AFAP1L2: variants seen among roughly 807,000 people sequenced by gnomAD.
AFAP1L2 encodes actin filament-associated protein 1-like 2.
In AFAP1L2, 46 loss-of-function variants were observed where a neutral mutation model predicts 99.3. The ratio of observed to expected loss-of-function variants is 0.46; its 90% CI spans 0.37 to 0.59. The LOEUF is 0.59. Among genes scored for constraint, AFAP1L2 ranks in the 20% least tolerant of loss-of-function variants. AFAP1L2 has a pLI of 0.00. For synonymous variants in AFAP1L2, 397 were observed against 419.1 expected, an observed-to-expected ratio of 0.95 and a Z score of 0.64; for missense variants, 959 against 1,034.9, an observed-to-expected ratio of 0.93 and a Z score of 1.01.
chr10:114,304,980 C>CAGG (rs752620060), intron 10 of AFAP1L2, 50 bp from the exon 11 acceptor site: 5 of 1,227,638 alleles, frequency 4.1e-6, no homozygotes, highest in Admixed American at 4.1e-5. Flanking sequence ...CAGGAGGGGA[C>CAGG]GCAGATGCAG....
intron 6 of AFAP1L2, among the ~76,000 whole-genome samples, chr10:114,314,838 G>A (rs1275913185): frequency 6.6e-6 from 1 of 152,114 alleles, no homozygotes; most frequent in African/African-American, 2.4e-5. Context: ...TTCTCATGCT[G>A]CACAGATAAA....
intron 1 of AFAP1L2, among the ~76,000 whole-genome samples, chr10:114,369,371 G>A (rs962408321): frequency 5.3e-5 from 8 of 152,100 alleles, no homozygotes; most frequent in Non-Finnish European, 8.8e-5. Context: ...CGAGGCGGGC[G>A]GATCACGAGG....
chr10:114,366,840 C>T (rs939508377), intron 1 of AFAP1L2, among the ~76,000 whole-genome samples: 7 of 152,118 alleles, frequency 4.6e-5, no homozygotes, highest in East Asian at 1.9e-4. Context: ...TGGTGTCGCG[C>T]GCCTTTAGTC....
chr10:114,320,930 C>A (rs1200603128), intron 5 of AFAP1L2, among the ~76,000 whole-genome samples: 1 of 152,184 alleles, frequency 6.6e-6, no homozygotes, highest in Admixed American at 6.5e-5. Context: ...TGAGCTGGCA[C>A]CACCTCGCAT....
At chr10:114,403,296 G>C (rs2058394388) in intron 1 of AFAP1L2, among the ~76,000 whole-genome samples, 1 of 152,128 alleles carries the variant, frequency 6.6e-6, no homozygotes, top group African/African-American at 2.4e-5. Context: ...CAGTAACCAG[G>C]CTACCCAGAT....
In AFAP1L2 at chr10:114,336,219, C is replaced by A. The variant is rs146402906; in HGVS notation, c.146-2924G>T. ...CTCCAGGTTGGTAAGTAAGAAGTTCCCAAGACCTTCTGCAATTGTGGGAAA... is the reference window on the plus strand; with the variant it reads ...CTCCAGGTTGGTAAGTAAGAAGTTCACAAGACCTTCTGCAATTGTGGGAAA... On this transcript the variant is annotated intron_variant, in intron 2 of 18. Coordinates refer to ENST00000304129, the MANE Select transcript of AFAP1L2 (RefSeq NM_001001936.3). 6.2e-4 allele frequency among the ~76,000 whole-genome samples: 94 copies of A among 152,322 alleles called. 1 individual carries two copies. Among genetic ancestry groups the A allele is most frequent in the African/African-American group, 2.2e-3 (90 of 41,578 alleles).
chr10:114,296,113 ATAGT>A (rs767908052), intron 18 of AFAP1L2, 45 bp from the exon 19 acceptor site: 176 of 1,613,352 alleles, frequency 1.1e-4, no homozygotes, highest in Admixed American at 1.8e-4. Context: ...CACCAAAAAG[ATAGT>A]TAGTTATCCA....
chr10:114,380,260 C>CTGT (rs1037431926), intron 1 of AFAP1L2, among the ~76,000 whole-genome samples: 3 of 152,218 alleles, frequency 2.0e-5, no homozygotes, highest in African/African-American at 7.2e-5. Flanking sequence ...CTTCCCTGGA[C>CTGT]TGTTCCTCTC....
intron 11 of AFAP1L2, among the ~76,000 whole-genome samples, chr10:114,303,469 A>T (rs2041588315): frequency 6.6e-6 from 1 of 151,966 alleles, no homozygotes; most frequent in Non-Finnish European, 1.5e-5. Context: ...CACCACACCC[A>T]GCTAATTTTT....
At chr10:114,346,571 A>G (rs7068930) in intron 1 of AFAP1L2, among the ~76,000 whole-genome samples, 7,236 of 152,282 alleles carry the variant, frequency 0.048, 185 homozygotes, top group South Asian at 0.071. Flanking sequence ...CATCCCTTAG[A>G]GGAATGTGGC....
At chr10:114,299,547 G>A (rs1300933623) in intron 15 of AFAP1L2, 132 bp from the exon 16 acceptor site, 2 of 1,049,084 alleles carry the variant, frequency 1.9e-6, no homozygotes, top group Non-Finnish European at 2.7e-6. Flanking sequence ...GCCAGACCTG[G>A]ACAGGTCCCT....
chr10:114,360,554 T>C (rs145435004), intron 1 of AFAP1L2, among the ~76,000 whole-genome samples: 7,010 of 144,402 alleles, frequency 0.049, 373 homozygotes, highest in African/African-American at 0.15. Flanking sequence ...GATAGATAGA[T>C]AGATAGATAG....
chr10:114,380,979 C>T (rs927329149), intron 1 of AFAP1L2, among the ~76,000 whole-genome samples: 2 of 152,194 alleles, frequency 1.3e-5, no homozygotes, highest in Non-Finnish European at 2.9e-5. Context: ...CCAACAATTT[C>T]GCTCTTAGGT....
chr10:114,391,034 G>C (rs1226042628), intron 1 of AFAP1L2, among the ~76,000 whole-genome samples: 1 of 151,990 alleles, frequency 6.6e-6, no homozygotes, highest in Non-Finnish European at 1.5e-5. Flanking sequence ...AATGTGCCTT[G>C]TATATCCTAA....
intron 7 of AFAP1L2, among the ~76,000 whole-genome samples, chr10:114,310,884 C>T (rs1198640424): frequency 3.9e-5 from 6 of 152,232 alleles, no homozygotes; most frequent in Non-Finnish European, 8.8e-5. Flanking sequence ...AGTCTCCACG[C>T]TGCCTGAGGA....
intron 12 of AFAP1L2, 56 bp from the exon 13 acceptor site, chr10:114,301,521 A>T: frequency 5.3e-6 from 7 of 1,319,324 alleles, no homozygotes; most frequent in Non-Finnish European, 7.7e-6. Context: ...TGGTGAAAGC[A>T]CCAGACTCCA....
chr10:114,364,712 AG>A (rs1047823213), intron 1 of AFAP1L2, among the ~76,000 whole-genome samples: 157 of 152,292 alleles, frequency 1.0e-3, no homozygotes, highest in African/African-American at 3.5e-3. Context: ...AACCCACAAC[AG>A]GACACAGGGA....
intron 1 of AFAP1L2, among the ~76,000 whole-genome samples, chr10:114,370,314 A>G (rs2053920394): frequency 1.3e-5 from 2 of 152,240 alleles, no homozygotes; most frequent in South Asian, 4.1e-4. Flanking sequence ...AGCAGCTACT[A>G]CAAGCCTTCA....
At chr10:114,305,651 A>ATGCAGGAGGGGATGCAGG in intron 10 of AFAP1L2, among the ~76,000 whole-genome samples, 1 of 52,754 alleles carries the variant, frequency 1.9e-5, no homozygotes, top group Admixed American at 2.0e-4. Context: ...GGAGATGCAG[A>ATGCAGGAGGGGATGCAGG]TGCAGGAGGG....
Sources: gnomAD v4.1 joint callset for allele counts (sites outside exome capture counted in the v4.1 genomes callset) on GRCh38, gnomAD v4.1.1 for gene constraint, MANE v1.5 for transcripts, NCBI Gene and HGNC (gene_info 2026-07-23, HGNC 2026-07-21) for gene names.